The following IFT140 variants were observed in gnomAD, a reference collection of about 807,000 sequenced individuals.
The protein encoded by IFT140 is intraflagellar transport 140, also known as intraflagellar transport protein 140 homolog.
In IFT140, 133 loss-of-function variants were observed where a neutral mutation model predicts 164.6. The observed-to-expected ratio is 0.81, with a 90% confidence interval of 0.70 to 0.93. IFT140 has a LOEUF of 0.93. IFT140 is among the 40% of genes least tolerant of loss of function. The pLI, the probability that IFT140 is intolerant of heterozygous loss-of-function variation, is 0.00. For synonymous variants in IFT140, 860 were observed against 817.3 expected (o/e 1.05, Z -0.89); for missense variants, 2,045 against 1,972.3 (o/e 1.04, Z -0.70).
chr16:1,598,738 T>C (rs2035594248), intron 4 of IFT140, among the ~76,000 whole-genome samples: 1 of 152,234 alleles, frequency 6.6e-6, no homozygotes, highest in Admixed American at 6.5e-5. Flanking sequence ...TGCACCCCCT[T>C]CTTGGTGCTT....
intron 4 of IFT140, among the ~76,000 whole-genome samples, chr16:1,601,107 A>G (rs2035774496): frequency 6.6e-6 from 1 of 151,896 alleles, no homozygotes; most frequent in African/African-American, 2.4e-5. Context: ...TACTAAACAT[A>G]CCAAAAATTA....
At chr16:1,520,083 C>A (rs1441111778) in intron 28 of IFT140, 36 bp from the exon 29 acceptor site, 1 of 1,609,584 alleles carries the variant, frequency 6.2e-7, no homozygotes, top group Non-Finnish European at 8.5e-7. Context: ...CTGCCGGGCT[C>A]CACAGCCCTC....
chr16:1,557,608 T>G, intron 19 of IFT140: 1 of 262,486 alleles, frequency 3.8e-6, no homozygotes, highest in Non-Finnish European at 7.2e-6. Context: ...CCTGGCTGTT[T>G]TTAGTGTTTA....
chr16:1,602,284 G>A lies in IFT140; in HGVS notation c.369+86C>T, dbSNP rs1441696221. 5.1e-6 allele frequency: 6 copies of A among 1,185,948 alleles called. No homozygotes were observed. In the East Asian group the frequency reaches 1.5e-4, roughly 30 times the overall value. 73.5% of individuals were successfully genotyped at this position (1,185,948 alleles called of 1,614,324 possible). A position where few individuals can be genotyped will look rare whatever the true frequency, so the allele number is the denominator to read the frequency against. On this transcript the variant is annotated intron_variant, in intron 4 of 30. Coordinates refer to ENST00000426508, the MANE Select transcript of IFT140 (RefSeq NM_014714.4). ...ATCAACTGAATTTGGCAACAGCACG[G>A]TTCCCATATTTTGATCTTTCATACT... is the stretch of plus-strand genomic sequence containing the variant.
intron 19 of IFT140, among the ~76,000 whole-genome samples, chr16:1,556,038 G>A (rs554140694): frequency 7.9e-5 from 12 of 152,180 alleles, no homozygotes; most frequent in Non-Finnish European, 1.2e-4. Flanking sequence ...TCCGGGAGGT[G>A]GAGGTTGCAG....
chr16:1,520,224 C>T lies in IFT140; in HGVS notation c.3780G>A (p.Arg1260=). 6.2e-7 allele frequency: 1 copy of T among 1,614,252 alleles called. No homozygotes were observed. Among genetic ancestry groups the T allele is most frequent in the Non-Finnish European group, 8.5e-7 (1 of 1,180,036 alleles). ...TGTTCTTCATGATCTCCGGCTCCTT[C>T]CGCCAGTCCAGGGACTGCAGGTAGT... ...AANYLQSLDW[R]KEPEIMKNII... The change falls in exon 28 of 31, where the codon CGG becomes CGA. Residue 1260 remains arginine, a synonymous_variant. Transcript: ENST00000426508.
At chr16:1,585,764 T>A (rs1213411691) in intron 10 of IFT140, among the ~76,000 whole-genome samples, 1 of 151,016 alleles carries the variant, frequency 6.6e-6, no homozygotes, top group Admixed American at 6.6e-5. Context: ...GGCCTCCACT[T>A]TCTTTTTTTT....
intron 19 of IFT140, chr16:1,541,505 C>A: frequency 1.0e-6 from 1 of 985,410 alleles, no homozygotes; most frequent in Non-Finnish European, 1.2e-6. Context: ...CAGGCAGCGC[C>A]CTCGTCTTGG....
In IFT140 at chr16:1,569,166, G is replaced by A. The variant is rs573667893; in HGVS notation, c.1653-832C>T. ...CCTACAGGCGCCCGCCACCGCGCCC[G>A]GCTAATTTATTTTTGTATTTTTAGT... On this transcript the variant is annotated intron_variant, in intron 14 of 30. Coordinates refer to ENST00000426508, the MANE Select transcript of IFT140 (RefSeq NM_014714.4). 2.0e-3 allele frequency among the ~76,000 whole-genome samples: 302 copies of A among 152,124 alleles called. 1 individual carries two copies. The highest frequency in any genetic ancestry group is 2.9e-3 in the Admixed American group (45 of 15,288).
At chr16:1,598,131 A>AT (rs985219931) in intron 4 of IFT140, among the ~76,000 whole-genome samples, 6 of 152,138 alleles carry the variant, frequency 3.9e-5, no homozygotes, top group Non-Finnish European at 7.4e-5. Context: ...GAACAACCTG[A>AT]TAAAAAAAAA....
At chr16:1,589,920 G>C (rs1596427894) in intron 6 of IFT140, 140 bp from the exon 7 acceptor site, 2 of 721,478 alleles carry the variant, frequency 2.8e-6, no homozygotes, top group Non-Finnish European at 4.4e-6. Flanking sequence ...AAATGGGCCG[G>C]GCAAAGTGGC....
At chr16:1,543,605 C>T (rs8049972) in intron 19 of IFT140, among the ~76,000 whole-genome samples, 9,693 of 152,284 alleles carry the variant, frequency 0.064, 541 homozygotes, top group Admixed American at 0.18. Flanking sequence ...TCTGCATGCC[C>T]AACTTCGAAA....
intron 19 of IFT140, among the ~76,000 whole-genome samples, chr16:1,550,835 C>G (rs896582664): frequency 6.6e-6 from 1 of 152,236 alleles, no homozygotes; most frequent in Non-Finnish European, 1.5e-5. Context: ...AAGTCAAGAG[C>G]GCCCTAGCCG....
At chr16:1,522,445 G>A (rs757812257) in intron 26 of IFT140, among the ~76,000 whole-genome samples, 15 of 152,354 alleles carry the variant, frequency 9.8e-5, no homozygotes, top group Non-Finnish European at 1.6e-4. Flanking sequence ...TGAGGCAGGA[G>A]AATCACTTGA....
At chr16:1,562,175 G>A in intron 17 of IFT140, 59 bp from the exon 18 acceptor site, 1 of 1,455,858 alleles carries the variant, frequency 6.9e-7, no homozygotes, top group Non-Finnish European at 9.2e-7. Flanking sequence ...AAATTTCTGG[G>A]GTATGAGTGC....
intron 17 of IFT140, among the ~76,000 whole-genome samples, chr16:1,562,885 T>C (rs1041899900): frequency 2.0e-5 from 3 of 152,052 alleles, no homozygotes; most frequent in Non-Finnish European, 4.4e-5. Context: ...TGTGGGTCCA[T>C]TGCACAGAAG....
rs571759796 is a variant in IFT140, at chr16:1,550,925, C to T, written c.2399+7010G>A. ...AACAGGCCTGTTGAGTACAGGGCCACGTAGCCGATGCCAGTGGGTCCTTGG... is the reference window on the plus strand; with the variant it reads ...AACAGGCCTGTTGAGTACAGGGCCATGTAGCCGATGCCAGTGGGTCCTTGG... On this transcript the variant is annotated intron_variant, in intron 19 of 30. Coordinates refer to ENST00000426508, the MANE Select transcript of IFT140 (RefSeq NM_014714.4). Among the ~76,000 whole-genome samples the T allele has an allele frequency of 3.9e-5, 6 of 152,312 alleles. No individual in the cohort carries two copies. In the South Asian group the frequency reaches 8.3e-4, roughly 21 times the overall value.
chr16:1,536,016 C>T (rs948454325), intron 19 of IFT140, among the ~76,000 whole-genome samples: 5 of 152,246 alleles, frequency 3.3e-5, no homozygotes, highest in African/African-American at 4.8e-5. Context: ...GCGGGGGCAG[C>T]GGCTTTAGGC....
In IFT140 at chr16:1,553,146, G is replaced by C. The variant is rs942614737; in HGVS notation, c.2399+4789C>G. On this transcript the variant is annotated intron_variant, in intron 19 of 30. Transcript: ENST00000426508. This position sits in a 1 kb window ranked among gnomAD's most constrained non-coding sequence, Gnocchi z 4.4. ...TGAAAAGATAATGCTTGGGTTTTTA[G>C]GAAAAACAAGGCTGGTTACCCATCT... is the stretch of plus-strand genomic sequence containing the variant. 1.0e-6 allele frequency: 1 copy of C among 985,206 alleles called. No individual in the cohort carries two copies. The highest frequency in any genetic ancestry group is 1.2e-6 in the Non-Finnish European group (1 of 829,918). The allele number at this position is 985,206 out of a possible 1,614,324, so 61.0% of individuals were successfully genotyped here.
Sources: gnomAD v4.1 joint callset for allele counts (sites outside exome capture counted in the v4.1 genomes callset) on GRCh38, gnomAD v4.1.1 for gene constraint, Gnocchi (gnomAD v3.1) non-coding constraint, MANE v1.5 for transcripts, NCBI Gene and HGNC (gene_info 2026-07-23, HGNC 2026-07-21) for gene names.